The following POTEH variants were observed in gnomAD, a reference collection of about 807,000 sequenced individuals.
The protein encoded by POTEH is ANKRD26-like family C member 3.
A neutral mutation model predicts 41.7 loss-of-function variants in POTEH; 6 were observed. The ratio of observed to expected loss-of-function variants is 0.14; its 90% CI spans 0.08 to 0.28. POTEH has a LOEUF of 0.28. Ranked by LOEUF, POTEH falls within the 10% of genes least tolerant of loss-of-function variation. The pLI is 1.00. For missense variants in POTEH, 115 were observed against 533.5 expected (o/e 0.22, Z 7.73); for synonymous variants, 38 against 179.9 (o/e 0.21, Z 6.31).
chr22:15,714,306 A>T (rs1449815709), intron 9 of POTEH, among the ~76,000 whole-genome samples: 1,414 of 147,128 alleles, frequency 9.6e-3, no homozygotes, highest in Non-Finnish European at 0.014. Flanking sequence ...CAGTGGATGT[A>T]TTTAAAACAT....
At position 15,710,627 on chromosome 22, in the gene POTEH, G is replaced by A. The variant is rs1767200306; in HGVS notation, c.1354-241G>A. ...CCCTTTTTGAATTTTGGAAAATTCT[G>A]TTTTACTCATTGAAACAGAAATGAA... On this transcript the variant is annotated intron_variant, in intron 8 of 10. Coordinates refer to ENST00000343518, the MANE Select transcript of POTEH (RefSeq NM_001136213.1). Among the ~76,000 whole-genome samples the A allele has an allele frequency of 3.9e-5, 6 of 152,024 alleles. No homozygotes were observed. The South Asian group carries it at 1.3e-3, about 32-fold the overall frequency.
intron 1 of POTEH, among the ~76,000 whole-genome samples, chr22:15,692,050 G>T (rs1361236742): frequency 7.2e-6 from 1 of 138,334 alleles, no homozygotes; most frequent in Non-Finnish European, 1.6e-5. Flanking sequence ...CTGTTGCCCA[G>T]GCTGGAGTGC....
At chr22:15,719,528 A>ATGTTAACAAAGGG (rs1989984254) in intron 9 of POTEH, 132 bp from the exon 10 acceptor site, 2 of 694,306 alleles carry the variant, frequency 2.9e-6, no homozygotes, top group Non-Finnish European at 4.8e-6. Context: ...AACAGATGTG[A>ATGTTAACAAAGGG]GACCCCTTTG....
At chr22:15,692,284 C>T (rs1392981749) in intron 1 of POTEH, among the ~76,000 whole-genome samples, 1,631 of 140,780 alleles carry the variant, frequency 0.012, no homozygotes, top group African/African-American at 0.041. Context: ...TGGTTACAGG[C>T]GTGAGCCACC....
rs1425318567 is a variant in POTEH at position 15,710,481 on chromosome 22, A to G, written c.1354-387A>G. Among the ~76,000 whole-genome samples the G allele has an allele frequency of 3.9e-5, 6 of 152,358 alleles. No individual in the cohort carries two copies. In the East Asian group the frequency reaches 1.2e-3, roughly 29 times the overall value. Reference sequence around the variant, plus strand: ...TGTAAAATCTAGGTGGTAAAGAGGGATGAAGACACATTTTGCATCTTTGTC... The same window carrying G: ...TGTAAAATCTAGGTGGTAAAGAGGGGTGAAGACACATTTTGCATCTTTGTC... On this transcript the variant is annotated intron_variant, in intron 8 of 10. Coordinates refer to ENST00000343518, the MANE Select transcript of POTEH (RefSeq NM_001136213.1).
At chr22:15,692,612 G>A (rs1409004125) in intron 1 of POTEH, among the ~76,000 whole-genome samples, 1 of 94,366 alleles carries the variant, frequency 1.1e-5, no homozygotes, top group Admixed American at 1.1e-4. Flanking sequence ...AGAATTAGCT[G>A]CGCATGGTAG....
At chr22:15,712,644 C>T (rs1989845670) in intron 9 of POTEH, among the ~76,000 whole-genome samples, 2 of 61,060 alleles carry the variant, frequency 3.3e-5, no homozygotes, top group Non-Finnish European at 3.0e-5. Context: ...TGAGTATTCA[C>T]CTCACCATAT....
At chr22:15,708,825 A>C (rs2716345) in intron 7 of POTEH, among the ~76,000 whole-genome samples, 2,552 of 77,114 alleles carry the variant, frequency 0.033, no homozygotes, top group East Asian at 0.068. Context: ...TTATATTATT[A>C]AGCAATAGAA....
intron 9 of POTEH, among the ~76,000 whole-genome samples, chr22:15,713,581 C>G (rs1246115929): frequency 6.6e-6 from 1 of 152,274 alleles, no homozygotes; most frequent in East Asian, 1.9e-4. Context: ...CTCATTGCAA[C>G]CTCTGCCTCC....
intron 9 of POTEH, among the ~76,000 whole-genome samples, chr22:15,711,609 G>T (rs1442411188): frequency 2.0e-5 from 3 of 151,544 alleles, no homozygotes; most frequent in African/African-American, 7.3e-5. Flanking sequence ...ATACACTGTT[G>T]GTAAATACAT....
chr22:15,720,107 T>TA (rs3047219), intron 10 of POTEH, among the ~76,000 whole-genome samples: 1 of 56,994 alleles, frequency 1.8e-5, no homozygotes, highest in South Asian at 1.2e-3. Context: ...TTAGTTTTGT[T>TA]AAAAAATGTT....
In POTEH at chr22:15,719,675, TAC is replaced by T; in HGVS notation, c.1537_1538del (p.Thr513SerfsTer6). On this transcript the variant is annotated frameshift_variant, in exon 10 of 11. Coordinates refer to ENST00000343518, the MANE Select transcript of POTEH (RefSeq NM_001136213.1). LOFTEE classifies it high-confidence loss of function. ...TTTTTTCTAGTGATGAACAAAATGA[TAC>T]TCAGAAGCAACTTTCTGAAGAACAG... ...EQYHSDEQND[T>X]QKQLSEEQNT... is the part of the protein sequence containing the mutation. 1 of 506,158 alleles carries T rather than the reference TAC, an allele frequency of 2.0e-6. No individual in the cohort carries two copies. The highest frequency in any genetic ancestry group is 3.5e-6 in the Non-Finnish European group (1 of 286,382). The allele number at this position is 506,158 out of a possible 1,614,324, so 31.4% of individuals were successfully genotyped here. A position where few individuals can be genotyped will look rare whatever the true frequency, so the allele number is the denominator to read the frequency against.
At chr22:15,703,582 A>G (rs1314070056) in intron 6 of POTEH, among the ~76,000 whole-genome samples, 1 of 141,796 alleles carries the variant, frequency 7.1e-6, no homozygotes, top group Non-Finnish European at 1.5e-5. Context: ...GAGTGTCATA[A>G]TAAATATGCA....
intron 7 of POTEH, among the ~76,000 whole-genome samples, chr22:15,708,477 A>G (rs1302951818): frequency 2.4e-5 from 1 of 40,922 alleles, no homozygotes; most frequent in Non-Finnish European, 4.3e-5. Context: ...ATCTGCCACT[A>G]CGCTCCAGCC....
intron 1 of POTEH, among the ~76,000 whole-genome samples, chr22:15,692,043 T>C (rs1989332691): frequency 7.1e-6 from 1 of 141,080 alleles, no homozygotes; most frequent in African/African-American, 2.5e-5. Context: ...TCTCACTCTG[T>C]TGCCCAGGCT....
intron 1 of POTEH, among the ~76,000 whole-genome samples, chr22:15,692,156 C>T (rs1292167026): frequency 2.3e-5 from 3 of 129,422 alleles, no homozygotes; most frequent in Non-Finnish European, 5.3e-5. Context: ...AGGCGCCTGC[C>T]ACCACACCTG....
intron 6 of POTEH, among the ~76,000 whole-genome samples, chr22:15,705,408 T>C (rs1989646919): frequency 6.6e-6 from 1 of 151,540 alleles, no homozygotes. Context: ...TTTAGCTTAA[T>C]TTTTTTCCCG....
At chr22:15,699,861 A>G (rs12106535) in intron 4 of POTEH, 142,821 of 760,232 alleles carry the variant, frequency 0.19, 1 homozygote, top group Non-Finnish European at 0.22. Context: ...GCTATGCAAT[A>G]CCCCACTGAG....
intron 9 of POTEH, among the ~76,000 whole-genome samples, chr22:15,711,666 A>G (rs1447007695): frequency 2.0e-5 from 3 of 151,682 alleles, no homozygotes; most frequent in Non-Finnish European, 4.4e-5. Context: ...CAGATATATA[A>G]CGGAGTAAGG....
Sources: gnomAD v4.1 joint callset for allele counts (sites outside exome capture counted in the v4.1 genomes callset) on GRCh38, gnomAD v4.1.1 for gene constraint, MANE v1.5 for transcripts, NCBI Gene and HGNC (gene_info 2026-07-23, HGNC 2026-07-21) for gene names.